Variants in WNK2 observed in about 807,000 individuals in gnomAD.
WNK2 encodes the protein serine/threonine-protein kinase WNK2.
A neutral mutation model predicts 192.1 loss-of-function variants in WNK2; 67 were observed. The ratio of observed to expected loss-of-function variants is 0.35; its 90% CI spans 0.29 to 0.43. The LOEUF is 0.43. Ranked by LOEUF, WNK2 falls within the 20% of genes least tolerant of loss-of-function variation. The probability of loss-of-function intolerance (pLI) is 1.00; values close to 1 mark genes in which losing one functional copy is unlikely to be tolerated. For missense variants in WNK2, 2,698 were observed against 3,089.7 expected (o/e 0.87, Z 3.01); for synonymous variants, 1,439 against 1,393.9 (o/e 1.03, Z -0.72).
chr9:93,229,743 T>C lies in WNK2; in HGVS notation c.729T>C (p.Ala243=). 1 of 1,613,618 alleles carries C rather than the reference T, an allele frequency of 6.2e-7. No homozygotes were observed. The highest frequency in any genetic ancestry group is 8.5e-7 in the Non-Finnish European group (1 of 1,179,760). The part of the protein sequence containing the change: ...KLERQRFKEE[A]EMLKGLQHPN... ...AGCGGCAGCGGTTCAAGGAAGAGGC[T>C]GAGATGCTGAAAGGCCTGCAGCACC... The change falls in exon 3 of 30, where the codon GCT becomes GCC. Residue 243 remains alanine (A), a synonymous_variant. Coordinates refer to ENST00000427277, the MANE Select transcript of WNK2 (RefSeq NM_006648.4). The surrounding 1 kb of genome is among the most constrained non-coding windows in gnomAD (Gnocchi z 4.9).
At chr9:93,271,691 T>C (rs1196042955) in intron 19 of WNK2, among the ~76,000 whole-genome samples, 1 of 152,228 alleles carries the variant, frequency 6.6e-6, no homozygotes, top group East Asian at 1.9e-4. Flanking sequence ...ACTAAAGGGC[T>C]AACTTGTGTG....
At chr9:93,207,297 C>G (rs1833574737) in intron 2 of WNK2, among the ~76,000 whole-genome samples, 1 of 152,206 alleles carries the variant, frequency 6.6e-6, no homozygotes, top group South Asian at 2.1e-4. Flanking sequence ...GCTCGGATAG[C>G]ACTCCTAAGT....
chr9:93,301,535 T>C (rs892730911), intron 26 of WNK2, among the ~76,000 whole-genome samples: 1 of 152,200 alleles, frequency 6.6e-6, no homozygotes, highest in African/African-American at 2.4e-5. Flanking sequence ...CTGGGTGGCC[T>C]GGTGTCTGGT....
Position 93,238,248 on chromosome 9 carries a change from A to G in WNK2, c.1249A>G (p.Ser417Gly), listed in dbSNP as rs769760392. 1 of 1,614,038 alleles carries G rather than the reference A, an allele frequency of 6.2e-7. No individual in the cohort carries two copies. Among genetic ancestry groups the G allele is most frequent in the Non-Finnish European group, 8.5e-7 (1 of 1,179,892 alleles). ...TCCCTGTCAGGGTATCAAGCCGGCC[A>G]GCTTTGAGAAAGTGCACGATCCTGA... is the stretch of plus-strand genomic sequence containing the variant. ...RKVTCGIKPA[S>G]FEKVHDPEIK... The change falls in exon 6 of 30, where the codon AGC becomes GGC. Residue 417 changes from serine (S) to glycine (G), a missense_variant. Physicochemically the swap from Ser to Gly is moderately conservative, Grantham distance 56. Coordinates refer to ENST00000427277, the MANE Select transcript of WNK2 (RefSeq NM_006648.4).
At chr9:93,190,373 C>T (rs1264018524) in intron 2 of WNK2, among the ~76,000 whole-genome samples, 1 of 152,224 alleles carries the variant, frequency 6.6e-6, no homozygotes, top group Non-Finnish European at 1.5e-5. Flanking sequence ...CTACTAGAAG[C>T]AGGTGCTCCT....
intron 19 of WNK2, among the ~76,000 whole-genome samples, chr9:93,287,178 T>TA: frequency 6.6e-6 from 1 of 152,170 alleles, no homozygotes; most frequent in East Asian, 1.9e-4. Context: ...TTTCCATAAT[T>TA]AAAAAACAAT....
At chr9:93,313,381 G>A (rs1199888839) in intron 28 of WNK2, among the ~76,000 whole-genome samples, 3 of 141,464 alleles carry the variant, frequency 2.1e-5, no homozygotes, top group African/African-American at 5.2e-5. Flanking sequence ...TTTTTTAACC[G>A]TATCTCCTGT....
At chr9:93,217,993 C>T (rs527479829) in intron 2 of WNK2, among the ~76,000 whole-genome samples, 8 of 125,506 alleles carry the variant, frequency 6.4e-5, no homozygotes, top group Non-Finnish European at 9.3e-5. Flanking sequence ...CCTCATTGCC[C>T]AGAGCTACAG....
chr9:93,261,763 C>T, intron 12 of WNK2, 51 bp from the exon 13 acceptor site: 2 of 1,542,890 alleles, frequency 1.3e-6, no homozygotes, highest in Non-Finnish European at 1.7e-6. Flanking sequence ...ACGGCCCCCT[C>T]AGTGAAGGCA....
chr9:93,290,007 AG>A lies in WNK2; in HGVS notation c.4900del (p.Ala1634ProfsTer2). Reference sequence around the variant, plus strand: ...AGAAGTCAGAACTGGCCCCCACTCGAGGGGCCGTGATGGAGCAGGGCACGTC... The same window carrying A: ...AGAAGTCAGAACTGGCCCCCACTCGAGGGCCGTGATGGAGCAGGGCACGTC... Reference protein sequence around the residue: ...VEKSELAPTRGAVMEQGTSSS... With the variant: ...VEKSELAPTRXAVMEQGTSSS... On this transcript the variant is annotated frameshift_variant, in exon 21 of 30. Transcript: ENST00000427277. LOFTEE classifies it high-confidence loss of function. The A allele has an allele frequency of 6.3e-7, 1 of 1,578,662 alleles. No homozygotes were observed. The highest frequency in any genetic ancestry group is 8.6e-7 in the Non-Finnish European group (1 of 1,161,134).
chr9:93,228,923 CG>C (rs1199185565), intron 2 of WNK2, among the ~76,000 whole-genome samples: 1 of 151,876 alleles, frequency 6.6e-6, no homozygotes, highest in African/African-American at 2.4e-5. Flanking sequence ...GGGCAGGCGG[CG>C]GGAGGGTGGC....
chr9:93,244,181 G>C (rs931421969), intron 7 of WNK2, among the ~76,000 whole-genome samples: 1 of 152,222 alleles, frequency 6.6e-6, no homozygotes, highest in Non-Finnish European at 1.5e-5. Flanking sequence ...GAAGGACCCC[G>C]AGGGTGGGAG....
rs1268303452 is a variant in WNK2 at position 93,247,491 on chromosome 9, G to GGCC, written c.1543-50_1543-48dup. 1 of 1,569,382 alleles carries GGCC rather than the reference G, an allele frequency of 6.4e-7. No homozygotes were observed. The stretch of plus-strand genomic sequence containing the variant: ...GAAAGCACTTTAGGTAAGGGGTGTG[G>GGCC]GCCGGTGAGGGCTGATCCCCAGCGA... On this transcript the variant is annotated intron_variant, in intron 7 of 29. Coordinates refer to ENST00000427277, the MANE Select transcript of WNK2 (RefSeq NM_006648.4). The surrounding 1 kb of genome is among the most constrained non-coding windows in gnomAD (Gnocchi z 5.2).
In WNK2 at chr9:93,291,495, G is replaced by A. The variant is rs527566095; in HGVS notation, c.4937-813G>A. On this transcript the variant is annotated intron_variant, in intron 21 of 29. Coordinates refer to ENST00000427277, the MANE Select transcript of WNK2 (RefSeq NM_006648.4). ...CCTCCTAGCCCTGAAGGTGGGCATGGAGATATGAGGAGGGGAGTCAGATGT... is the reference window on the plus strand; with the variant it reads ...CCTCCTAGCCCTGAAGGTGGGCATGAAGATATGAGGAGGGGAGTCAGATGT... Among the ~76,000 whole-genome samples, 273 of 152,320 alleles carry A rather than the reference G, an allele frequency of 1.8e-3. 1 individual carries two copies. The highest frequency in any genetic ancestry group is 2.0e-3 in the Non-Finnish European group (135 of 68,024).
In WNK2 at chr9:93,267,794, C is replaced by T; in HGVS notation, c.3745C>T (p.Gln1249Ter). ...LQAERETFIE[Q>*]MKDVMDKAED... ...GGCCGAGCGGGAAACGTTCATCGAG[C>T]AGATGAAGGATGTCATGGACAAGGC... The change falls in exon 17 of 30, where the codon CAG (glutamine) becomes TAG (stop). Residue 1249 changes from glutamine (Q) to a stop codon, truncating the protein, a stop_gained. Transcript: ENST00000427277. LOFTEE classifies it high-confidence loss of function. 1 of 1,611,306 alleles carries T rather than the reference C, an allele frequency of 6.2e-7. No individual in the cohort carries two copies. Among genetic ancestry groups the T allele is most frequent in the Non-Finnish European group, 8.5e-7 (1 of 1,178,956 alleles).
intron 2 of WNK2, among the ~76,000 whole-genome samples, chr9:93,208,745 ATGTG>A (rs1833909734): frequency 0.021 from 35 of 1,704 alleles, no homozygotes; most frequent in South Asian, 0.043. Context: ...GTGTGTGTTC[ATGTG>A]TGTGCGCATG....
chr9:93,199,455 C>T (rs898562968), intron 2 of WNK2, among the ~76,000 whole-genome samples: 2 of 152,202 alleles, frequency 1.3e-5, no homozygotes, highest in Non-Finnish European at 2.9e-5. Context: ...TGGCCCTGTC[C>T]TGTGTCTTCA....
At chr9:93,225,194 G>A (rs149075094) in intron 2 of WNK2, among the ~76,000 whole-genome samples, 17 of 152,282 alleles carry the variant, frequency 1.1e-4, no homozygotes, top group African/African-American at 4.1e-4. Context: ...GAGCCCAGGA[G>A]TTCAAGATCA....
intron 2 of WNK2, among the ~76,000 whole-genome samples, chr9:93,211,288 A>ACTCATCCACT (rs1377548509): frequency 6.6e-6 from 1 of 151,252 alleles, no homozygotes. Context: ...CCACTCACTC[A>ACTCATCCACT]TACACTCAGT....
Sources: gnomAD v4.1 joint callset for allele counts (sites outside exome capture counted in the v4.1 genomes callset) on GRCh38, gnomAD v4.1.1 for gene constraint, Gnocchi (gnomAD v3.1) non-coding constraint, MANE v1.5 for transcripts, NCBI Gene and HGNC (gene_info 2026-07-23, HGNC 2026-07-21) for gene names.